The following TYW1B variants were observed in gnomAD, a reference collection of about 807,000 sequenced individuals.
TYW1B encodes tRNA-yW synthesizing protein 1 homolog B, also known as S-adenosyl-L-methionine-dependent tRNA 4-demethylwyosine synthase TYW1B.
Under a neutral mutation model 86.9 loss-of-function variants are expected in TYW1B, and 73 were observed. That is an observed-to-expected ratio of 0.84 (90% CI 0.70 to 1.02). The LOEUF is 1.02. TYW1B is among the 50% of genes least tolerant of loss of function. The pLI is 0.00. For synonymous variants in TYW1B, 248 were observed against 292.8 expected (o/e 0.85, Z 1.56); for missense variants, 637 against 827.4 (o/e 0.77, Z 2.82).
At chr7:72,711,227 T>C (rs1786654201) in intron 10 of TYW1B, among the ~76,000 whole-genome samples, 2 of 152,070 alleles carry the variant, frequency 1.3e-5, no homozygotes, top group South Asian at 4.1e-4. Context: ...CTCGGGGCTA[T>C]GCCTGCCGCG....
At chr7:72,724,898 T>C (rs1465984920) in intron 9 of TYW1B, among the ~76,000 whole-genome samples, 1 of 152,222 alleles carries the variant, frequency 6.6e-6, no homozygotes, top group Non-Finnish European at 1.5e-5. Context: ...CATGCATCCA[T>C]AGACGTGCTC....
chr7:72,674,735 C>A (rs1813695511), intron 11 of TYW1B, among the ~76,000 whole-genome samples: 1 of 148,756 alleles, frequency 6.7e-6, no homozygotes. Context: ...TTAAAAAGCA[C>A]AGTTTCAAAT....
At chr7:72,581,867 A>C (rs558770295) in intron 13 of TYW1B, among the ~76,000 whole-genome samples, 1 of 152,040 alleles carries the variant, frequency 6.6e-6, no homozygotes, top group Non-Finnish European at 1.5e-5. Context: ...TCCCAGGTAC[A>C]AGAGATTCTC....
At chr7:72,704,587 G>GA (rs56377185) in intron 10 of TYW1B, among the ~76,000 whole-genome samples, 27,979 of 126,894 alleles carry the variant, frequency 0.22, 2,920 homozygotes, top group African/African-American at 0.31. Flanking sequence ...TGTCTCTGAA[G>GA]AAAAAAAAAA....
At chr7:72,768,880 TG>T in intron 7 of TYW1B, 1 of 337,286 alleles carries the variant, frequency 3.0e-6, no homozygotes. Context: ...TGGTTTACTG[TG>T]GAGCAGTTGG....
intron 3 of TYW1B, among the ~76,000 whole-genome samples, chr7:72,813,913 G>A (rs1193696704): frequency 2.6e-5 from 4 of 151,728 alleles, no homozygotes; most frequent in African/African-American, 9.7e-5. Flanking sequence ...TACTCAGGAG[G>A]CTGAGGCAGG....
chr7:72,575,153 T>C lies in TYW1B; in HGVS notation c.*345A>G, dbSNP rs1810990720. Reference sequence around the variant, plus strand: ...GGGAAGAGGCCCAGGGATTTCTTCCTTGTCTGACACTCTCAGGACTAGCAT... The same window carrying C: ...GGGAAGAGGCCCAGGGATTTCTTCCCTGTCTGACACTCTCAGGACTAGCAT... On this transcript the variant is annotated 3_prime_UTR_variant, in exon 14 of 14. Coordinates refer to ENST00000620995, the MANE Select transcript of TYW1B (RefSeq NM_001145440.3). 1 of 1,084,878 alleles carries C rather than the reference T, an allele frequency of 9.2e-7. No homozygotes were observed. The highest frequency in any genetic ancestry group is 1.6e-5 in the African/African-American group (1 of 60,946). The allele number at this position is 1,084,878 out of a possible 1,614,324, so 67.2% of individuals were successfully genotyped here. A position where few individuals can be genotyped will look rare whatever the true frequency, so the allele number is the denominator to read the frequency against.
At chr7:72,728,405 C>A (rs1787044326) in intron 9 of TYW1B, among the ~76,000 whole-genome samples, 1 of 152,142 alleles carries the variant, frequency 6.6e-6, no homozygotes, top group Admixed American at 6.6e-5. Flanking sequence ...CTCCCAGGTT[C>A]AAGCAATTCT....
chr7:72,629,315 CCAAA>C (rs1812428090), intron 11 of TYW1B, among the ~76,000 whole-genome samples: 1 of 152,170 alleles, frequency 6.6e-6, no homozygotes, highest in African/African-American at 2.4e-5. Context: ...GATAAACTGA[CCAAA>C]CAGTGTTAGG....
At chr7:72,660,567 G>A (rs1246521988) in intron 11 of TYW1B, among the ~76,000 whole-genome samples, 1 of 152,100 alleles carries the variant, frequency 6.6e-6, no homozygotes, top group African/African-American at 2.4e-5. Context: ...AATGATTCTT[G>A]TTTGAACACC....
At chr7:72,623,150 T>C (rs1400237718) in intron 12 of TYW1B, among the ~76,000 whole-genome samples, 1 of 152,204 alleles carries the variant, frequency 6.6e-6, no homozygotes, top group Non-Finnish European at 1.5e-5. Context: ...GATTTAGAAA[T>C]TTGTCAACAA....
At chr7:72,659,035 TAA>T (rs1413848000) in intron 11 of TYW1B, among the ~76,000 whole-genome samples, 8 of 152,174 alleles carry the variant, frequency 5.3e-5, no homozygotes, top group African/African-American at 1.7e-4. Context: ...ACATAAGATT[TAA>T]AAAGCATGCA....
intron 10 of TYW1B, among the ~76,000 whole-genome samples, chr7:72,702,045 C>T (rs1214697002): frequency 6.6e-6 from 1 of 152,206 alleles, no homozygotes; most frequent in Non-Finnish European, 1.5e-5. Flanking sequence ...TGGAGCTTTT[C>T]AAAGTCCCCT....
chr7:72,592,633 C>T (rs1446862528), intron 13 of TYW1B, among the ~76,000 whole-genome samples: 1 of 152,146 alleles, frequency 6.6e-6, no homozygotes, highest in Admixed American at 6.6e-5. Context: ...TGATCCCATT[C>T]TATGCTATCT....
chr7:72,658,421 T>C (rs1813256380), intron 11 of TYW1B, among the ~76,000 whole-genome samples: 5 of 152,144 alleles, frequency 3.3e-5, no homozygotes. Context: ...CAAAGCACGA[T>C]CCAATTTGTA....
At position 72,632,345 on chromosome 7, in the gene TYW1B, AT is replaced by A. The variant is rs1281646261; in HGVS notation, c.1507-3349del. 7.9e-3 allele frequency among the ~76,000 whole-genome samples: 856 copies of A among 107,930 alleles called. 6 individuals carry two copies. Among genetic ancestry groups the A allele is most frequent in the African/African-American group, 0.013 (301 of 22,922 alleles). The allele number at this position is 107,930 out of a possible 152,430, so 70.8% of individuals were successfully genotyped here. ...ATTATATATATATACACGTATATAT[AT>A]TATATATATTATATATATACGCATA... On this transcript the variant is annotated intron_variant, in intron 11 of 13. Transcript: ENST00000620995.
At chr7:72,591,649 T>C (rs1811397885) in intron 13 of TYW1B, among the ~76,000 whole-genome samples, 1 of 152,192 alleles carries the variant, frequency 6.6e-6, no homozygotes, top group Admixed American at 6.6e-5. Flanking sequence ...ATCACTCTAC[T>C]AGATCTTCCC....
intron 7 of TYW1B, among the ~76,000 whole-genome samples, chr7:72,745,001 G>A (rs1224829302): frequency 1.3e-5 from 2 of 152,138 alleles, no homozygotes; most frequent in African/African-American, 4.8e-5. Flanking sequence ...GATGGGTAAG[G>A]GAATGCATCC....
At chr7:72,632,393 T>TATACGC (rs1314850784) in intron 11 of TYW1B, among the ~76,000 whole-genome samples, 1,977 of 101,534 alleles carry the variant, frequency 0.019, 74 homozygotes, top group African/African-American at 0.037. Flanking sequence ...TATACGTATA[T>TATACGC]ATATATAATA....
Sources: gnomAD v4.1 joint callset for allele counts (sites outside exome capture counted in the v4.1 genomes callset) on GRCh38, gnomAD v4.1.1 for gene constraint, MANE v1.5 for transcripts, NCBI Gene and HGNC (gene_info 2026-07-23, HGNC 2026-07-21) for gene names.